LIN54: variants seen among roughly 807,000 people sequenced by gnomAD.
LIN54 encodes the protein lin-54 DREAM MuvB core complex component.
LIN54 carries 9 observed loss-of-function variants against 78.7 expected under a neutral mutation model. The observed-to-expected ratio is 0.11, with a 90% CI of 0.07 to 0.20. The LOEUF is 0.20. Ranked by LOEUF, LIN54 falls within the 10% of genes least tolerant of loss-of-function variation. The pLI, the probability that LIN54 is intolerant of heterozygous loss-of-function variation, is 1.00. For missense variants in LIN54, 573 were observed against 889.9 expected (o/e 0.64, Z 4.53); for synonymous variants, 269 against 318.4 (o/e 0.84, Z 1.65).
intron 4 of LIN54, among the ~76,000 whole-genome samples, chr4:82,950,742 G>A (rs529471476): frequency 5.1e-4 from 77 of 152,134 alleles, no homozygotes; most frequent in African/African-American, 1.6e-3. Context: ...TATTTTCTAA[G>A]CCATTTCTTT....
chr4:82,954,220 C>A (rs1724094181), intron 4 of LIN54, among the ~76,000 whole-genome samples: 1 of 151,638 alleles, frequency 6.6e-6, no homozygotes, highest in South Asian at 2.1e-4. Context: ...TTATATAGAA[C>A]AAACCACAGA....
At chr4:82,967,231 A>G (rs911758626) in intron 4 of LIN54, among the ~76,000 whole-genome samples, 5 of 152,004 alleles carry the variant, frequency 3.3e-5, no homozygotes, top group Non-Finnish European at 7.4e-5. Context: ...TCTCAAAAAA[A>G]AAAAAGAAAA....
At chr4:82,952,187 A>G (rs1305193350) in intron 4 of LIN54, among the ~76,000 whole-genome samples, 1 of 152,204 alleles carries the variant, frequency 6.6e-6, no homozygotes, top group Non-Finnish European at 1.5e-5. Flanking sequence ...GTAAAAAGGC[A>G]ACCCATAGAA....
intron 4 of LIN54, among the ~76,000 whole-genome samples, chr4:82,955,652 GC>G (rs373570817): frequency 6.6e-6 from 1 of 152,054 alleles, no homozygotes; most frequent in African/African-American, 2.4e-5. Context: ...AGGCATGGTG[GC>G]TCATGCCTGT....
At chr4:82,947,362 A>G (rs1455835893) in intron 4 of LIN54, among the ~76,000 whole-genome samples, 1 of 146,828 alleles carries the variant, frequency 6.8e-6, no homozygotes, top group Non-Finnish European at 1.5e-5. Context: ...CCTCCTGAGC[A>G]CGTAGGACCA....
rs190370640 is a variant in LIN54, at chr4:83,010,523, G to A, written c.-72C>T. On this transcript the variant is annotated 5_prime_UTR_variant, in exon 1 of 13. Coordinates refer to ENST00000340417, the MANE Select transcript of LIN54 (RefSeq NM_194282.4). ...GCTTTCTCCTCCCTCGGGCTCCGAGGTAGGGGCTCCAGAAGGTCCTGGGCA... is the reference window on the plus strand; with the variant it reads ...GCTTTCTCCTCCCTCGGGCTCCGAGATAGGGGCTCCAGAAGGTCCTGGGCA... 21 of 1,189,492 alleles carry A rather than the reference G, an allele frequency of 1.8e-5. No individual in the cohort carries two copies. Among genetic ancestry groups the A allele is most frequent in the Non-Finnish European group, 1.9e-5 (18 of 962,012 alleles). The allele number at this position is 1,189,492 out of a possible 1,614,324, so 73.7% of individuals were successfully genotyped here.
intron 4 of LIN54, among the ~76,000 whole-genome samples, chr4:82,950,892 A>G (rs1723792874): frequency 6.6e-6 from 1 of 152,184 alleles, no homozygotes; most frequent in African/African-American, 2.4e-5. Flanking sequence ...TTTTGTCCTC[A>G]CAAATGAATA....
chr4:82,999,594 T>C (rs1294267922), intron 1 of LIN54, among the ~76,000 whole-genome samples: 1 of 151,626 alleles, frequency 6.6e-6, no homozygotes, highest in Non-Finnish European at 1.5e-5. Context: ...CTGGCCAATA[T>C]GGTGAAACCC....
upstream of LIN54, among the ~76,000 whole-genome samples, chr4:83,012,324 A>G (rs1176002611): frequency 6.6e-6 from 1 of 152,184 alleles, no homozygotes; most frequent in East Asian, 1.9e-4. Flanking sequence ...CGCACGAACA[A>G]GAGCCTGTAC....
rs1167509548 is a variant in LIN54 at position 83,001,880 on chromosome 4, AAGG to A, written c.-33+8601_-33+8603del. On this transcript the variant is annotated intron_variant, in intron 1 of 12. Coordinates refer to ENST00000340417, the MANE Select transcript of LIN54 (RefSeq NM_194282.4). ...AAAAAAGGATAGGAAGGAAGGAAGG[AAGG>A]AAGGAAGGAAGGAGGGAGGGAGGGA... Among the ~76,000 whole-genome samples the A allele has an allele frequency of 3.3e-3, 2 of 614 alleles. 1 individual carries two copies. The highest frequency in any genetic ancestry group is 0.013 in the Non-Finnish European group (2 of 160). The allele number at this position is 614 out of a possible 152,430, so 0.4% of individuals were successfully genotyped here.
intron 1 of LIN54, among the ~76,000 whole-genome samples, chr4:82,992,927 C>A (rs1466156766): frequency 2.7e-5 from 4 of 150,444 alleles, no homozygotes; most frequent in Non-Finnish European, 5.9e-5. Flanking sequence ...ACTCGGGAGG[C>A]TGAGGCAGGA....
intron 1 of LIN54, among the ~76,000 whole-genome samples, chr4:83,001,107 C>T (rs372454954): frequency 1.3e-5 from 2 of 151,970 alleles, no homozygotes; most frequent in African/African-American, 4.8e-5. Flanking sequence ...CATGAGCCAC[C>T]AAGCCCAGCC....
In LIN54 at chr4:82,934,434, C is replaced by A. The variant is rs75591000; in HGVS notation, c.1845+1547G>T. Among the ~76,000 whole-genome samples, 656 of 152,208 alleles carry A rather than the reference C, an allele frequency of 4.3e-3. 2 individuals carry two copies. The highest frequency in any genetic ancestry group is 5.6e-3 in the Non-Finnish European group (381 of 67,978). On this transcript the variant is annotated intron_variant, in intron 11 of 12. Coordinates refer to ENST00000340417, the MANE Select transcript of LIN54 (RefSeq NM_194282.4). ...AACAAAATAACAACAACAACAACAACAAAAAACTTGTCTCTTTATGCAATT... is the reference window on the plus strand; with the variant it reads ...AACAAAATAACAACAACAACAACAAAAAAAAACTTGTCTCTTTATGCAATT...
intron 4 of LIN54, among the ~76,000 whole-genome samples, chr4:82,963,085 A>T (rs1281802716): frequency 6.6e-6 from 1 of 152,104 alleles, no homozygotes; most frequent in Non-Finnish European, 1.5e-5. Context: ...CCAAATATAA[A>T]GAGAAAATCT....
chr4:82,952,841 T>C (rs970688350), intron 4 of LIN54, among the ~76,000 whole-genome samples: 1 of 152,340 alleles, frequency 6.6e-6, no homozygotes, highest in African/African-American at 2.4e-5. Context: ...CAGGACCTTA[T>C]GCTAAGTAAA....
intron 1 of LIN54, among the ~76,000 whole-genome samples, chr4:82,986,463 G>C (rs1370469155): frequency 6.6e-6 from 1 of 151,810 alleles, no homozygotes; most frequent in African/African-American, 2.4e-5. Flanking sequence ...GGGCATTCTG[G>C]CAGATCACGA....
intron 4 of LIN54, among the ~76,000 whole-genome samples, chr4:82,954,924 T>C (rs769067378): frequency 2.0e-5 from 3 of 152,206 alleles, no homozygotes; most frequent in South Asian, 2.1e-4. Flanking sequence ...TTTGGTAACC[T>C]TGAGTTTAGC....
intron 1 of LIN54, among the ~76,000 whole-genome samples, chr4:82,995,326 AATTTT>A (rs1201148534): frequency 6.7e-6 from 1 of 150,106 alleles, no homozygotes; most frequent in Non-Finnish European, 1.5e-5. Flanking sequence ...AATTTAATTT[AATTTT>A]AATTTATTTT....
chr4:82,930,022 C>G (rs924265385), intron 12 of LIN54, among the ~76,000 whole-genome samples: 7 of 151,946 alleles, frequency 4.6e-5, no homozygotes, highest in Non-Finnish European at 8.8e-5. Context: ...GTCAGCCTCC[C>G]AAGTAGCTGG....
Sources: allele counts gnomAD v4.1 joint callset (sites outside exome capture counted in the v4.1 genomes callset), GRCh38; gene constraint gnomAD v4.1.1; transcripts MANE v1.5; gene names NCBI Gene and HGNC (gene_info 2026-07-23, HGNC 2026-07-21).